Variants in LUZP1 observed in about 807,000 individuals in gnomAD.
LUZP1 encodes the protein filamin mechanobinding actin cross-linking protein.
A neutral mutation model predicts 71.3 loss-of-function variants in LUZP1; 25 were observed. That is an observed-to-expected ratio of 0.35 (90% CI 0.26 to 0.49). The LOEUF is 0.49. Among genes scored for constraint, LUZP1 ranks in the 20% least tolerant of loss-of-function variants. LUZP1 has a pLI of 0.99. For missense variants in LUZP1, 1,142 were observed against 1,300.8 expected (o/e 0.88, Z 1.88); for synonymous variants, 481 against 506.4 (o/e 0.95, Z 0.67).
intron 2 of LUZP1, among the ~76,000 whole-genome samples, chr1:23,161,855 C>T (rs181208415): frequency 7.1e-4 from 107 of 151,770 alleles, no homozygotes; most frequent in African/African-American, 2.4e-3. Flanking sequence ...GGTGAAACTC[C>T]GTCTCTACTA....
intron 2 of LUZP1, among the ~76,000 whole-genome samples, chr1:23,130,139 G>A (rs1644202911): frequency 6.6e-6 from 1 of 152,056 alleles, no homozygotes; most frequent in African/African-American, 2.4e-5. Context: ...CATTTTCCCT[G>A]CCTGGAATAC....
Position 23,094,879 on chromosome 1 carries a change from A to G in LUZP1, c.-119-499T>C, listed in dbSNP as rs1439365037. Among the ~76,000 whole-genome samples the G allele has an allele frequency of 1.3e-5, 2 of 152,164 alleles. No homozygotes were observed. Among genetic ancestry groups the G allele is most frequent in the Non-Finnish European group, 2.9e-5 (2 of 68,034 alleles). ...TATCTCTTATGAGCTATTGTGACTT[A>G]AAAGTGATACAAATTAACCCTCTGC... is the stretch of plus-strand genomic sequence containing the variant. On this transcript the variant is annotated intron_variant, in intron 3 of 4. Coordinates refer to ENST00000302291, the Ensembl canonical transcript of LUZP1. This position sits in a 1 kb window ranked among gnomAD's most constrained non-coding sequence, Gnocchi z 4.7.
intron 2 of LUZP1, chr1:23,140,640 TC>T (rs201776700): frequency 0.018 from 2,738 of 152,312 alleles, 36 homozygotes; most frequent in Middle Eastern, 0.054. Context: ...GAGGAGGGCA[TC>T]CAGCTGGTGT....
chr1:23,091,094 C>T, intron 4 of LUZP1, 96 bp downstream of exon 3: 1 of 1,278,222 alleles, frequency 7.8e-7, no homozygotes, highest in Admixed American at 2.3e-5. Flanking sequence ...TTCTCAAGAT[C>T]CTGGGTCACA....
chr1:23,089,917 C>T (rs530274867), intron 4 of LUZP1, among the ~76,000 whole-genome samples: 1 of 152,280 alleles, frequency 6.6e-6, no homozygotes, highest in Non-Finnish European at 1.5e-5. Context: ...TGTGCCACCA[C>T]ACCCAGCTAA....
chr1:23,136,609 GAC>G (rs1644254810), intron 2 of LUZP1, among the ~76,000 whole-genome samples: 1 of 151,422 alleles, frequency 6.6e-6, no homozygotes, highest in African/African-American at 2.4e-5. Flanking sequence ...ACAATGACAG[GAC>G]TAAAACCCAA....
At chr1:23,130,045 G>T (rs747242774) in intron 2 of LUZP1, among the ~76,000 whole-genome samples, 2 of 152,198 alleles carry the variant, frequency 1.3e-5, no homozygotes, top group African/African-American at 2.4e-5. Context: ...TGGCAAGCTG[G>T]AGGTTATCTT....
rs1331818352 is a variant in LUZP1 at position 23,094,373 on chromosome 1, T to A, written c.-112A>T. 2.7e-6 allele frequency: 4 copies of A among 1,470,068 alleles called. No homozygotes were observed. The Admixed American group carries it at 8.1e-5, about 30-fold the overall frequency. 91.1% of individuals were successfully genotyped at this position (1,470,068 alleles called of 1,614,324 possible). On this transcript the variant is annotated 5_prime_UTR_variant, in exon 4 of 5. An upstream start codon of the reference 5' UTR is lost. Coordinates refer to ENST00000302291, the Ensembl canonical transcript of LUZP1. The surrounding 1 kb of genome is among the most constrained non-coding windows in gnomAD (Gnocchi z 4.7). ...AATCTTCTTTGACAGCTGGAGACCA[T>A]CATCAATCTACAAAAGGAAAGTAGA...
intron 2 of LUZP1, among the ~76,000 whole-genome samples, chr1:23,164,517 C>T (rs1041193143): frequency 3.3e-5 from 5 of 151,280 alleles, no homozygotes; most frequent in African/African-American, 1.2e-4. Flanking sequence ...AGTCACCATA[C>T]AGAAACAGAA....
chr1:23,126,374 T>C (rs1410501127), intron 2 of LUZP1, among the ~76,000 whole-genome samples: 1 of 152,050 alleles, frequency 6.6e-6, no homozygotes, highest in Non-Finnish European at 1.5e-5. Context: ...TCCCAGTACA[T>C]TGGGAGGATA....
At chr1:23,107,337 T>C (rs962075790) in intron 3 of LUZP1, among the ~76,000 whole-genome samples, 25 of 152,212 alleles carry the variant, frequency 1.6e-4, no homozygotes, top group Admixed American at 3.3e-4. Context: ...TATCTAATTA[T>C]TCATTTTTAT....
chr1:23,142,017 T>A (rs1349812589), intron 2 of LUZP1, among the ~76,000 whole-genome samples: 1 of 151,676 alleles, frequency 6.6e-6, no homozygotes, highest in Non-Finnish European at 1.5e-5. Flanking sequence ...GCTAATTTTG[T>A]ATTTTTTTAG....
At chr1:23,151,492 T>C (rs985961239) in intron 2 of LUZP1, among the ~76,000 whole-genome samples, 2 of 152,198 alleles carry the variant, frequency 1.3e-5, no homozygotes, top group Non-Finnish European at 2.9e-5. Flanking sequence ...CCTGTTCTTA[T>C]GGTGCGTAAT....
chr1:23,128,227 A>G, intron 2 of LUZP1, among the ~76,000 whole-genome samples: 1 of 151,960 alleles, frequency 6.6e-6, no homozygotes, highest in South Asian at 2.1e-4. Context: ...TAAAAAAAAA[A>G]CAAACTGGGT....
chr1:23,115,772 C>T (rs150266910), intron 2 of LUZP1, among the ~76,000 whole-genome samples: 27,666 of 151,950 alleles, frequency 0.18, 2,670 homozygotes, highest in Middle Eastern at 0.31. Context: ...AAACTCCTGA[C>T]CTCAAGTAAT....
intron 1 of LUZP1, among the ~76,000 whole-genome samples, chr1:23,174,062 A>G (rs1248140315): frequency 1.3e-5 from 2 of 152,018 alleles, no homozygotes; most frequent in East Asian, 3.9e-4. Flanking sequence ...TATATATATA[A>G]TTTACTTATT....
rs58910170 is a variant in LUZP1, at chr1:23,149,079, TAAAAAAAAAAAAAAAA to T, written c.-226+19671_-226+19686del. ...CCAGGTGACAGAGTGACACCTTGCC[TAAAAAAAAAAAAAAAA>T]AAAAAAAAAAATTAAATTAAAAAAT... On this transcript the variant is annotated intron_variant, in intron 2 of 4. Coordinates refer to ENST00000302291, the Ensembl canonical transcript of LUZP1. Among the ~76,000 whole-genome samples, 267 of 37,420 alleles carry T rather than the reference TAAAAAAAAAAAAAAAA, an allele frequency of 7.1e-3. 2 individuals carry two copies. Among genetic ancestry groups the T allele is most frequent in the Middle Eastern group, 0.043 (2 of 46 alleles). The allele number at this position is 37,420 out of a possible 152,430, so 24.5% of individuals were successfully genotyped here.
intron 2 of LUZP1, among the ~76,000 whole-genome samples, chr1:23,166,646 TC>T (rs1383533360): frequency 4.2e-4 from 37 of 88,742 alleles, no homozygotes; most frequent in Admixed American, 2.2e-3. Flanking sequence ...CACAGAGCAC[TC>T]CGTCTCAAAA....
At chr1:23,121,996 A>T (rs1307524465) in intron 2 of LUZP1, among the ~76,000 whole-genome samples, 1 of 152,190 alleles carries the variant, frequency 6.6e-6, no homozygotes, top group Non-Finnish European at 1.5e-5. Context: ...TGGGTGACAG[A>T]GCAAGAGTCT....
Sources: allele counts gnomAD v4.1 joint callset (sites outside exome capture counted in the v4.1 genomes callset), GRCh38; gene constraint gnomAD v4.1.1; non-coding constraint Gnocchi (gnomAD v3.1); transcripts MANE v1.5; gene names NCBI Gene and HGNC (gene_info 2026-07-23, HGNC 2026-07-21).